RNF150: variants seen among roughly 807,000 people sequenced by gnomAD.
RNF150 encodes the protein ring finger protein 150.
RNF150 carries 24 observed loss-of-function variants against 39.3 expected under a neutral mutation model. The ratio of observed to expected loss-of-function variants is 0.61; its 90% CI spans 0.44 to 0.86. RNF150 has a LOEUF of 0.86. Among genes scored for constraint, RNF150 ranks in the 40% least tolerant of loss-of-function variants. RNF150 has a pLI of 0.00. For synonymous variants in RNF150, 255 were observed against 227.3 expected (o/e 1.12, Z -1.10); for missense variants, 502 against 587.8 (o/e 0.85, Z 1.51).
intron 5 of RNF150, among the ~76,000 whole-genome samples, chr4:140,922,349 T>C (rs955990179): frequency 1.3e-5 from 2 of 150,240 alleles, no homozygotes; most frequent in Admixed American, 6.7e-5. Context: ...AGGCAAATCA[T>C]GAGTGAACTC....
chr4:141,091,676 C>T (rs780792181), intron 1 of RNF150, among the ~76,000 whole-genome samples: 8 of 152,216 alleles, frequency 5.3e-5, no homozygotes, highest in Non-Finnish European at 7.4e-5. Flanking sequence ...AGGAATTAGA[C>T]CAACTAGATG....
chr4:141,017,120 C>G (rs188165022), intron 1 of RNF150, among the ~76,000 whole-genome samples: 18 of 152,194 alleles, frequency 1.2e-4, no homozygotes, highest in Non-Finnish European at 2.1e-4. Flanking sequence ...CTATTATGAT[C>G]TAGTTCTTTA....
intron 1 of RNF150, among the ~76,000 whole-genome samples, chr4:141,124,248 C>A (rs1726691592): frequency 6.6e-6 from 1 of 152,194 alleles, no homozygotes; most frequent in African/African-American, 2.4e-5. Flanking sequence ...CTTTCTGATG[C>A]CAGGGCTCTG....
chr4:140,977,439 AT>A (rs1733704759), intron 1 of RNF150, among the ~76,000 whole-genome samples: 1 of 152,112 alleles, frequency 6.6e-6, no homozygotes, highest in Non-Finnish European at 1.5e-5. Context: ...TGAGACGAAA[AT>A]TCCAAGAAGA....
intron 4 of RNF150, among the ~76,000 whole-genome samples, chr4:140,933,158 G>A (rs1226866748): frequency 6.6e-6 from 1 of 152,134 alleles, no homozygotes; most frequent in African/African-American, 2.4e-5. Context: ...ACAGTGACAG[G>A]TCATAAATAC....
intron 6 of RNF150, among the ~76,000 whole-genome samples, chr4:140,901,497 T>C (rs908065978): frequency 6.6e-6 from 1 of 152,244 alleles, no homozygotes; most frequent in Non-Finnish European, 1.5e-5. Context: ...ATATATTTAT[T>C]ATTTTCATTA....
rs367598105 is a variant in RNF150 at position 140,985,035 on chromosome 4, C to T, written c.485-17162G>A. ...GTCTCAGTCCTGCTTATAAATAAAC[C>T]CAAACCAAGACTGTGCCAAAAATTA... On this transcript the variant is annotated intron_variant, in intron 1 of 6. Coordinates refer to ENST00000515673, the MANE Select transcript of RNF150 (RefSeq NM_020724.2). Among the ~76,000 whole-genome samples, 47 of 152,182 alleles carry T rather than the reference C, an allele frequency of 3.1e-4. No individual in the cohort carries two copies. The South Asian group carries it at 9.1e-3, about 30-fold the overall frequency.
chr4:141,156,912 A>C (rs1020659912), intron 1 of RNF150, among the ~76,000 whole-genome samples: 3 of 152,062 alleles, frequency 2.0e-5, no homozygotes, highest in Non-Finnish European at 2.9e-5. Context: ...CTCAAAAAAA[A>C]ATTGATCATA....
rs531351027 is a variant in RNF150, at chr4:141,003,089, C to G, written c.485-35216G>C. Among the ~76,000 whole-genome samples the G allele has an allele frequency of 5.9e-5, 9 of 152,074 alleles. No individual in the cohort carries two copies. The East Asian group carries it at 1.7e-3, about 29-fold the overall frequency. ...TTACAGACTCAGCTTCTCTTTCTGC[C>G]TGATAAAGATATTTCTTGAGTCAAC... On this transcript the variant is annotated intron_variant, in intron 1 of 6. Coordinates refer to ENST00000515673, the MANE Select transcript of RNF150 (RefSeq NM_020724.2).
intron 5 of RNF150, among the ~76,000 whole-genome samples, chr4:140,921,919 C>T (rs1443532063): frequency 5.9e-5 from 9 of 151,742 alleles, no homozygotes; most frequent in Middle Eastern, 3.2e-3. Context: ...AATTCAACAA[C>T]GCTTCATGCT....
intron 1 of RNF150, among the ~76,000 whole-genome samples, chr4:141,138,799 C>T (rs1727068969): frequency 1.3e-5 from 2 of 152,056 alleles, no homozygotes; most frequent in South Asian, 4.1e-4. Context: ...TGGAAGATTC[C>T]AAAGGACATA....
At chr4:140,964,936 G>C (rs1194246802) in intron 2 of RNF150, among the ~76,000 whole-genome samples, 1 of 151,640 alleles carries the variant, frequency 6.6e-6, no homozygotes, top group Non-Finnish European at 1.5e-5. Context: ...TGTTAAATGG[G>C]GATACTGCAT....
chr4:140,967,821 T>C lies in RNF150; in HGVS notation c.537A>G (p.Ile179Met), dbSNP rs746837383. The change falls in exon 2 of 7, where the codon ATA becomes ATG. Residue 179 changes from isoleucine to methionine, a missense_variant. Physicochemically the swap from Ile to Met is conservative, Grantham distance 10. Coordinates refer to ENST00000515673, the MANE Select transcript of RNF150 (RefSeq NM_020724.2). Reference sequence around the variant, plus strand: ...TGATGTTTCTTTCCAGCAGGCTTACTATCTCCTTCCCTTTTGGCTCAGGAA... The same window carrying C: ...TGATGTTTCTTTCCAGCAGGCTTACCATCTCCTTCCCTTTTGGCTCAGGAA... ...IMIPEPKGKE[I>M]VSLLERNITV... 1 of 1,613,468 alleles carries C rather than the reference T, an allele frequency of 6.2e-7. No homozygotes were observed. Among genetic ancestry groups the C allele is most frequent in the South Asian group, 1.1e-5 (1 of 91,052 alleles).
intron 1 of RNF150, among the ~76,000 whole-genome samples, chr4:140,983,821 C>A (rs892468457): frequency 1.3e-5 from 2 of 150,898 alleles, no homozygotes; most frequent in African/African-American, 4.9e-5. Flanking sequence ...ATCACTGCAG[C>A]CTCTGCCTTC....
At chr4:140,883,347 T>G (rs1729446578) in intron 6 of RNF150, among the ~76,000 whole-genome samples, 1 of 152,218 alleles carries the variant, frequency 6.6e-6, no homozygotes, top group South Asian at 2.1e-4. Flanking sequence ...TGTATTTGTC[T>G]ACATATTTAC....
intron 6 of RNF150, among the ~76,000 whole-genome samples, chr4:140,896,995 T>C (rs1039173234): frequency 6.6e-6 from 1 of 152,166 alleles, no homozygotes; most frequent in African/African-American, 2.4e-5. Flanking sequence ...AACCTACTTG[T>C]ATTTTCTATC....
At chr4:141,012,698 G>A (rs574792145) in intron 1 of RNF150, among the ~76,000 whole-genome samples, 108 of 139,992 alleles carry the variant, frequency 7.7e-4, no homozygotes, top group African/African-American at 2.7e-3. Flanking sequence ...CAGGAGAATC[G>A]CTTGAACCCA....
intron 1 of RNF150, among the ~76,000 whole-genome samples, chr4:141,033,838 T>C (rs1376175041): frequency 6.6e-6 from 1 of 151,176 alleles, no homozygotes; most frequent in Non-Finnish European, 1.5e-5. Context: ...GCTTAAAATA[T>C]TCAGTAAACC....
intron 2 of RNF150, among the ~76,000 whole-genome samples, chr4:140,967,233 A>G (rs1002216024): frequency 2.1e-4 from 32 of 152,248 alleles, no homozygotes; most frequent in African/African-American, 7.7e-4. Flanking sequence ...ATGGGTATAC[A>G]TGATATGTTT....
Sources: gnomAD v4.1 joint callset for allele counts (sites outside exome capture counted in the v4.1 genomes callset) on GRCh38, gnomAD v4.1.1 for gene constraint, MANE v1.5 for transcripts, NCBI Gene and HGNC (gene_info 2026-07-23, HGNC 2026-07-21) for gene names.